KCNJ3: variants seen among roughly 807,000 people sequenced by gnomAD.
The protein encoded by KCNJ3 is G protein-activated inward rectifier potassium channel 1.
A neutral mutation model predicts 39.2 loss-of-function variants in KCNJ3; 4 were observed. The ratio of observed to expected loss-of-function variants is 0.10; its 90% CI spans 0.05 to 0.23. KCNJ3 has a LOEUF of 0.23. KCNJ3 is among the 10% of genes least tolerant of loss of function. The pLI is 1.00. For synonymous variants in KCNJ3, 230 were observed against 237.4 expected (o/e 0.97, Z 0.29); for missense variants, 276 against 634.9 (o/e 0.43, Z 6.08).
At chr2:154,707,272 A>G (rs1352794357) in intron 1 of KCNJ3, among the ~76,000 whole-genome samples, 1 of 152,124 alleles carries the variant, frequency 6.6e-6, no homozygotes, top group African/African-American at 2.4e-5. Context: ...TTTTGAGTAC[A>G]GGTGTAATTT....
intron 2 of KCNJ3, among the ~76,000 whole-genome samples, chr2:154,724,530 A>T (rs933101417): frequency 7.2e-5 from 11 of 152,134 alleles, no homozygotes; most frequent in Middle Eastern, 3.4e-3. Flanking sequence ...GTTATTAAAC[A>T]TTTCCTGCTC....
Position 154,777,050 on chromosome 2 carries a change from A to G in KCNJ3, c.919+67231A>G, listed in dbSNP as rs935885181. Among the ~76,000 whole-genome samples, 6 of 152,062 alleles carry G rather than the reference A, an allele frequency of 3.9e-5. No homozygotes were observed. The South Asian group carries it at 1.0e-3, about 26-fold the overall frequency. On this transcript the variant is annotated intron_variant, in intron 2 of 2. Transcript: ENST00000295101. ...TTTTCACACGTACACACGCACACAC[A>G]CACACACACACTCATTAAATTGGAA...
chr2:154,821,672 C>A (rs1046186436), intron 2 of KCNJ3, among the ~76,000 whole-genome samples: 1 of 114,002 alleles, frequency 8.8e-6, no homozygotes, highest in African/African-American at 3.2e-5. Flanking sequence ...GATGGAGTCT[C>A]ACTCTGTCGT....
intron 2 of KCNJ3, among the ~76,000 whole-genome samples, chr2:154,841,603 T>C (rs547249207): frequency 2.0e-5 from 3 of 152,196 alleles, no homozygotes; most frequent in Non-Finnish European, 4.4e-5. Flanking sequence ...TTGCCTCAAT[T>C]TCAGAGCCTG....
At chr2:154,752,650 AAAATTTCTC>A (rs1349901278) in intron 2 of KCNJ3, among the ~76,000 whole-genome samples, 1 of 152,030 alleles carries the variant, frequency 6.6e-6, no homozygotes, top group Non-Finnish European at 1.5e-5. Context: ...GCTATGTCCA[AAAATTTCTC>A]AAATATTTAC....
intron 2 of KCNJ3, among the ~76,000 whole-genome samples, chr2:154,771,757 G>T (rs1313749882): frequency 1.3e-5 from 2 of 152,180 alleles, no homozygotes; most frequent in Non-Finnish European, 2.9e-5. Flanking sequence ...TACACTCTGG[G>T]AACTAGACAA....
chr2:154,832,061 T>C (rs1687372874), intron 2 of KCNJ3, among the ~76,000 whole-genome samples: 1 of 152,028 alleles, frequency 6.6e-6, no homozygotes, highest in Admixed American at 6.6e-5. Flanking sequence ...ACCAGCTGTC[T>C]TTAGAATTAA....
chr2:154,815,079 C>T (rs1400024889), intron 2 of KCNJ3, among the ~76,000 whole-genome samples: 1 of 152,182 alleles, frequency 6.6e-6, no homozygotes, highest in Admixed American at 6.5e-5. Flanking sequence ...CTGCTCCTAT[C>T]CCTAGGAGTC....
chr2:154,812,599 C>G (rs1248491700), intron 2 of KCNJ3, among the ~76,000 whole-genome samples: 1 of 152,046 alleles, frequency 6.6e-6, no homozygotes, highest in Non-Finnish European at 1.5e-5. Flanking sequence ...TTGATTTCGT[C>G]GTAAAGCAGT....
intron 2 of KCNJ3, among the ~76,000 whole-genome samples, chr2:154,848,235 G>C (rs1687694140): frequency 6.6e-6 from 1 of 152,124 alleles, no homozygotes; most frequent in Non-Finnish European, 1.5e-5. Flanking sequence ...TTGGGAATCA[G>C]TATGAGTTCT....
chr2:154,842,768 CT>C (rs1039017625), intron 2 of KCNJ3, among the ~76,000 whole-genome samples: 2 of 151,532 alleles, frequency 1.3e-5, no homozygotes, highest in Admixed American at 6.6e-5. Flanking sequence ...GCAACACCTG[CT>C]TTTTTTTTCT....
chr2:154,833,350 AT>A, intron 2 of KCNJ3, among the ~76,000 whole-genome samples: 1 of 152,322 alleles, frequency 6.6e-6, no homozygotes, highest in Admixed American at 6.5e-5. Flanking sequence ...TGTTATTTAA[AT>A]TTTTTAAACT....
chr2:154,741,110 G>A (rs1263725355), intron 2 of KCNJ3, among the ~76,000 whole-genome samples: 1 of 151,932 alleles, frequency 6.6e-6, no homozygotes, highest in Non-Finnish European at 1.5e-5. Context: ...TCAGATGCTT[G>A]TCTTTAAGTG....
intron 2 of KCNJ3, among the ~76,000 whole-genome samples, chr2:154,744,637 C>T (rs1013314544): frequency 6.6e-6 from 1 of 151,628 alleles, no homozygotes; most frequent in Admixed American, 6.6e-5. Flanking sequence ...CCCTTGTTAA[C>T]GTTTAGATGT....
At chr2:154,834,067 A>G (rs1687407600) in intron 2 of KCNJ3, among the ~76,000 whole-genome samples, 1 of 152,172 alleles carries the variant, frequency 6.6e-6, no homozygotes, top group Non-Finnish European at 1.5e-5. Flanking sequence ...CTGGGTAAAT[A>G]TCAAGGGTTG....
At chr2:154,803,430 C>T (rs907631899) in intron 2 of KCNJ3, among the ~76,000 whole-genome samples, 16 of 151,590 alleles carry the variant, frequency 1.1e-4, no homozygotes, top group Admixed American at 1.3e-4. Context: ...ATAGTTCACA[C>T]GCACTAACAC....
chr2:154,744,374 T>C (rs1024565651), intron 2 of KCNJ3, among the ~76,000 whole-genome samples: 3 of 151,736 alleles, frequency 2.0e-5, no homozygotes, highest in Non-Finnish European at 3.0e-5. Context: ...AGTAGACTTG[T>C]TTTTTTGGAA....
rs1345216125 is a variant in KCNJ3 at position 154,835,602 on chromosome 2, A to ATTAT, written c.920-19122_920-19119dup. On this transcript the variant is annotated intron_variant, in intron 2 of 2. Transcript: ENST00000295101. ...AACGTAAACCTTTTCTTCACCAATT[A>ATTAT]TTATTTCTATCTAATGATTCCTAAG... Among the ~76,000 whole-genome samples, 3 of 151,668 alleles carry ATTAT rather than the reference A, an allele frequency of 2.0e-5. No homozygotes were observed. The East Asian group carries it at 5.8e-4, about 29-fold the overall frequency.
In KCNJ3 at chr2:154,699,462, C is replaced by T. The variant is rs1684847118; in HGVS notation, c.687C>T (p.Arg229=). The change falls in exon 1 of 3, where the codon CGC becomes CGT. Residue 229 remains arginine (R), a synonymous_variant. Coordinates refer to ENST00000295101, the MANE Select transcript of KCNJ3 (RefSeq NM_002239.4). The surrounding 1 kb of genome is among the most constrained non-coding windows in gnomAD (Gnocchi z 6.4). The stretch of plus-strand genomic sequence containing the variant: ...GCCACATGGTCTCCGCGCAGATTCG[C>T]TGCAAGCTGCTCAAAGTAAGTGCTC... ...RNSHMVSAQI[R]CKLLKSRQTP... is the part of the protein sequence containing the mutation. The T allele has an allele frequency of 3.8e-6, 6 of 1,592,618 alleles. No homozygotes were observed. The highest frequency in any genetic ancestry group is 5.1e-6 in the Non-Finnish European group (6 of 1,175,664).
Sources: allele counts gnomAD v4.1 joint callset (sites outside exome capture counted in the v4.1 genomes callset), GRCh38; gene constraint gnomAD v4.1.1; non-coding constraint Gnocchi (gnomAD v3.1); transcripts MANE v1.5; gene names NCBI Gene and HGNC (gene_info 2026-07-23, HGNC 2026-07-21).